PLXDC2: variants seen among roughly 807,000 people sequenced by gnomAD.
PLXDC2 encodes the protein plexin domain-containing protein 2.
Under a neutral mutation model 68.9 loss-of-function variants are expected in PLXDC2, and 40 were observed. The observed-to-expected ratio is 0.58, with a 90% CI of 0.45 to 0.76. The LOEUF is 0.76. Ranked by LOEUF, PLXDC2 falls within the 30% of genes least tolerant of loss-of-function variation. PLXDC2 has a pLI of 0.00. For synonymous variants in PLXDC2, 243 were observed against 234.2 expected (o/e 1.04, Z -0.34); for missense variants, 644 against 661.9 (o/e 0.97, Z 0.30).
At chr10:20,095,889 CAG>C (rs1483009821) in intron 4 of PLXDC2, among the ~76,000 whole-genome samples, 1 of 152,122 alleles carries the variant, frequency 6.6e-6, no homozygotes, top group African/African-American at 2.4e-5. Context: ...AAAAATCTTG[CAG>C]AGTCAAATGA....
intron 1 of PLXDC2, among the ~76,000 whole-genome samples, chr10:19,946,825 C>G (rs1206307918): frequency 2.0e-5 from 3 of 152,030 alleles, no homozygotes; most frequent in African/African-American, 7.2e-5. Context: ...CTTTGTGCTC[C>G]TGTGAGAATC....
intron 11 of PLXDC2, 136 bp downstream of exon 11, chr10:20,217,712 T>C: frequency 8.6e-7 from 1 of 1,157,496 alleles, no homozygotes; most frequent in Non-Finnish European, 1.1e-6. Flanking sequence ...TTTGGCAAAC[T>C]GGATTTCTAA....
chr10:19,844,989 A>C (rs1274235931), intron 1 of PLXDC2, among the ~76,000 whole-genome samples: 1 of 152,176 alleles, frequency 6.6e-6, no homozygotes, highest in Non-Finnish European at 1.5e-5. Flanking sequence ...ATTGTACAAG[A>C]AAATATCTTG....
rs1281883575 is a variant in PLXDC2, at chr10:19,947,712, T to C, written c.113-54063T>C. Among the ~76,000 whole-genome samples, 38 of 150,090 alleles carry C rather than the reference T, an allele frequency of 2.5e-4. 1 individual carries two copies. Among genetic ancestry groups the C allele is most frequent in the Non-Finnish European group, 4.6e-4 (31 of 67,532 alleles). ...CTTTTTTCTTTTCTTTCTTTCTTTT[T>C]TTTTTTTTTTTGCACAGTTCTAGTG... On this transcript the variant is annotated intron_variant, in intron 1 of 13. Transcript: ENST00000377252.
At chr10:20,010,310 T>C (rs998048694) in intron 2 of PLXDC2, among the ~76,000 whole-genome samples, 1 of 152,250 alleles carries the variant, frequency 6.6e-6, no homozygotes, top group African/African-American at 2.4e-5. Flanking sequence ...TTTAAACTTC[T>C]GATTTTCTCC....
intron 4 of PLXDC2, among the ~76,000 whole-genome samples, chr10:20,134,726 C>A (rs564373361): frequency 6.6e-5 from 10 of 152,252 alleles, no homozygotes; most frequent in South Asian, 2.1e-4. Context: ...GGTGCCACAT[C>A]ATTCATCCTG....
chr10:20,252,935 A>G (rs188260097), intron 13 of PLXDC2, among the ~76,000 whole-genome samples: 1 of 151,718 alleles, frequency 6.6e-6, no homozygotes, highest in Non-Finnish European at 1.5e-5. Flanking sequence ...GTTCAACTTG[A>G]TAATAAGTGG....
intron 2 of PLXDC2, among the ~76,000 whole-genome samples, chr10:20,031,458 G>A (rs1835499644): frequency 6.6e-6 from 1 of 152,034 alleles, no homozygotes; most frequent in Non-Finnish European, 1.5e-5. Flanking sequence ...TTATAAATTT[G>A]ATTCACTATT....
At chr10:20,069,475 T>C (rs1273067922) in intron 4 of PLXDC2, among the ~76,000 whole-genome samples, 2 of 152,022 alleles carry the variant, frequency 1.3e-5, no homozygotes, top group Non-Finnish European at 2.9e-5. Flanking sequence ...TGGGCAACAC[T>C]GTGAGACCCT....
chr10:19,947,190 G>A (rs1435788822), intron 1 of PLXDC2, among the ~76,000 whole-genome samples: 4 of 152,202 alleles, frequency 2.6e-5, no homozygotes, highest in South Asian at 2.1e-4. Flanking sequence ...ATTCCCTAGA[G>A]CCTGTAGAAA....
At chr10:20,039,375 AT>A (rs1835637408) in intron 2 of PLXDC2, among the ~76,000 whole-genome samples, 1 of 152,194 alleles carries the variant, frequency 6.6e-6, no homozygotes, top group African/African-American at 2.4e-5. Flanking sequence ...ATTTACGGCA[AT>A]TAGTAAAAAA....
intron 1 of PLXDC2, among the ~76,000 whole-genome samples, chr10:19,892,158 A>G (rs1296874277): frequency 2.0e-5 from 3 of 152,232 alleles, no homozygotes; most frequent in Non-Finnish European, 2.9e-5. Flanking sequence ...ACATATAACA[A>G]TAATACTTAA....
intron 12 of PLXDC2, among the ~76,000 whole-genome samples, chr10:20,242,844 C>T (rs1009887311): frequency 7.2e-5 from 11 of 151,990 alleles, no homozygotes; most frequent in African/African-American, 2.7e-4. Context: ...TGAGTAGCTG[C>T]GATTATAGGC....
rs182745764 is a variant in PLXDC2, at chr10:20,277,030, T to C, written c.1474-2673T>C. Among the ~76,000 whole-genome samples, 618 of 151,942 alleles carry C rather than the reference T, an allele frequency of 4.1e-3. 5 individuals carry two copies. The highest frequency in any genetic ancestry group is 0.014 in the African/African-American group (592 of 41,448). ...TTCAAGACCAGCCTGGCCAAGATGG[T>C]GAAACCCGTCTCTACTAAAAATACA... On this transcript the variant is annotated intron_variant, in intron 13 of 13. Transcript: ENST00000377252.
chr10:20,016,537 T>C (rs912700622), intron 2 of PLXDC2, among the ~76,000 whole-genome samples: 2 of 152,248 alleles, frequency 1.3e-5, no homozygotes, highest in Non-Finnish European at 2.9e-5. Context: ...AGTACCATTT[T>C]CTTCTGCAAA....
chr10:19,933,543 G>A (rs1486799600), intron 1 of PLXDC2, among the ~76,000 whole-genome samples: 1 of 152,036 alleles, frequency 6.6e-6, no homozygotes, highest in African/African-American at 2.4e-5. Flanking sequence ...CTGAGGCAGA[G>A]AATTGCTTGA....
intron 1 of PLXDC2, among the ~76,000 whole-genome samples, chr10:19,881,047 G>A (rs1354782075): frequency 2.0e-5 from 3 of 152,122 alleles, no homozygotes; most frequent in Non-Finnish European, 4.4e-5. Context: ...TGAACGAGTT[G>A]AGGGTTTTTT....
chr10:19,859,736 A>G (rs555983027), intron 1 of PLXDC2, among the ~76,000 whole-genome samples: 75 of 152,034 alleles, frequency 4.9e-4, no homozygotes, highest in Non-Finnish European at 9.0e-4. Flanking sequence ...TACTTATTAT[A>G]TTTTATTTTA....
At chr10:20,174,267 CACAG>C (rs1283553229) in intron 7 of PLXDC2, among the ~76,000 whole-genome samples, 6 of 151,790 alleles carry the variant, frequency 4.0e-5, no homozygotes, top group African/African-American at 9.7e-5. Context: ...ACTATTTAGA[CACAG>C]ACAGAAGATG....
Sources: allele counts gnomAD v4.1 joint callset (sites outside exome capture counted in the v4.1 genomes callset), GRCh38; gene constraint gnomAD v4.1.1; transcripts MANE v1.5; gene names NCBI Gene and HGNC (gene_info 2026-07-23, HGNC 2026-07-21).